CCDC171: variants seen among roughly 807,000 people sequenced by gnomAD.
CCDC171 encodes the protein coiled-coil domain-containing protein 171.
Under a neutral mutation model 168.2 loss-of-function variants are expected in CCDC171, and 177 were observed. The ratio of observed to expected loss-of-function variants is 1.05; its 90% confidence interval spans 0.93 to 1.19. The LOEUF is 1.19. Ranked by LOEUF, CCDC171 falls within the 50% of genes most tolerant of loss-of-function variation. CCDC171 has a pLI of 0.00. For missense variants in CCDC171, 1,991 were observed against 1,539.0 expected, an observed-to-expected ratio of 1.29 and a Z score of -4.91; for synonymous variants, 687 against 540.8, an observed-to-expected ratio of 1.27 and a Z score of -3.75.
intron 7 of CCDC171, among the ~76,000 whole-genome samples, chr9:15,633,198 T>G (rs2045892517): frequency 6.6e-6 from 1 of 152,288 alleles, no homozygotes; most frequent in South Asian, 2.1e-4. Context: ...AAAGAGCTCC[T>G]ACACAGCAAA....
At chr9:15,907,470 G>A (rs10962211) in intron 24 of CCDC171, among the ~76,000 whole-genome samples, 25,708 of 152,018 alleles carry the variant, frequency 0.17, 2,274 homozygotes, top group Non-Finnish European at 0.2. Flanking sequence ...GAAAGCTGAA[G>A]CTGGATCCCT....
intron 1 of CCDC171, among the ~76,000 whole-genome samples, chr9:16,058,868 G>A (rs962137150): frequency 2.0e-5 from 3 of 152,194 alleles, no homozygotes; most frequent in South Asian, 2.1e-4. Context: ...CAATCCCAGC[G>A]TAAGCTCAAG....
At chr9:15,659,801 G>C (rs2133013154) in intron 8 of CCDC171, among the ~76,000 whole-genome samples, 1 of 152,144 alleles carries the variant, frequency 6.6e-6, no homozygotes, top group Non-Finnish European at 1.5e-5. Context: ...ATTAAAACTA[G>C]TTTAGACTAA....
intron 7 of CCDC171, among the ~76,000 whole-genome samples, chr9:15,653,007 CCTTAT>C (rs1266449617): frequency 6.6e-6 from 1 of 152,074 alleles, no homozygotes; most frequent in Non-Finnish European, 1.5e-5. Flanking sequence ...ATTTTCTTTG[CCTTAT>C]CTTATCACGT....
chr9:15,787,483 C>T (rs2058027752), intron 21 of CCDC171, among the ~76,000 whole-genome samples: 1 of 151,984 alleles, frequency 6.6e-6, no homozygotes, highest in South Asian at 2.1e-4. Flanking sequence ...CCTACTCCTC[C>T]ACCTCCTCTT....
chr9:16,058,014 G>C (rs193092340), intron 1 of CCDC171, among the ~76,000 whole-genome samples: 50 of 151,204 alleles, frequency 3.3e-4, no homozygotes, highest in African/African-American at 1.1e-3. Flanking sequence ...AGGTCTAGGG[G>C]AGAGTTGAAG....
intron 24 of CCDC171, among the ~76,000 whole-genome samples, chr9:15,901,225 T>A (rs1394102675): frequency 6.6e-6 from 1 of 152,108 alleles, no homozygotes; most frequent in Non-Finnish European, 1.5e-5. Context: ...AACACAGGAT[T>A]TTTAGAGCAG....
chr9:15,812,225 C>T (rs563069862), intron 21 of CCDC171, among the ~76,000 whole-genome samples: 1 of 152,204 alleles, frequency 6.6e-6, no homozygotes, highest in Non-Finnish European at 1.5e-5. Flanking sequence ...GCATAGCTTT[C>T]TTATTCAAAC....
chr9:15,727,346 A>C (rs1214668390), intron 14 of CCDC171, among the ~76,000 whole-genome samples: 1 of 152,214 alleles, frequency 6.6e-6, no homozygotes, highest in Non-Finnish European at 1.5e-5. Context: ...TGGAGGAAGA[A>C]GAAAGCTGAG....
chr9:16,071,238 C>G, the CCDC171 span, among the ~76,000 whole-genome samples: 1 of 152,156 alleles, frequency 6.6e-6, no homozygotes, highest in African/African-American at 2.4e-5. Context: ...AGTCATGCTG[C>G]TAACCAAGAC....
chr9:15,751,340 G>T (rs555990976), intron 18 of CCDC171, among the ~76,000 whole-genome samples: 27 of 152,254 alleles, frequency 1.8e-4, no homozygotes, highest in Admixed American at 1.6e-3. Context: ...CGTGAAAATG[G>T]CCATACTGCC....
chr9:15,951,417 C>T (rs1393440216), intron 25 of CCDC171, among the ~76,000 whole-genome samples: 1 of 152,142 alleles, frequency 6.6e-6, no homozygotes, highest in Non-Finnish European at 1.5e-5. Context: ...ATGTTTTCTA[C>T]ACTGTTGTAC....
In CCDC171 at chr9:15,671,877, A is replaced by T. The variant is rs190200485; in HGVS notation, c.1076+5554A>T. On this transcript the variant is annotated intron_variant, in intron 9 of 25. Coordinates refer to ENST00000380701, the MANE Select transcript of CCDC171 (RefSeq NM_173550.4). Reference sequence around the variant, plus strand: ...CTTTGGGTATATACCCAGTAATGGGATCGCTGCGTCAAGTGGTATTTCTAG... The same window carrying T: ...CTTTGGGTATATACCCAGTAATGGGTTCGCTGCGTCAAGTGGTATTTCTAG... Among the ~76,000 whole-genome samples, 386 of 152,310 alleles carry T rather than the reference A, an allele frequency of 2.5e-3. 2 individuals carry two copies. Among genetic ancestry groups the T allele is most frequent in the Non-Finnish European group, 4.1e-3 (277 of 68,032 alleles).
chr9:15,565,246 G>A (rs966105682), intron 2 of CCDC171, among the ~76,000 whole-genome samples: 1 of 151,958 alleles, frequency 6.6e-6, no homozygotes, highest in Admixed American at 6.6e-5. Flanking sequence ...CTGCTGCCAC[G>A]CCTGGCTAAT....
At chr9:15,763,793 A>G (rs2056579214) in intron 18 of CCDC171, among the ~76,000 whole-genome samples, 1 of 152,172 alleles carries the variant, frequency 6.6e-6, no homozygotes, top group Admixed American at 6.5e-5. Flanking sequence ...GATTATACCA[A>G]AGTTTGTTCA....
chr9:15,910,214 A>T (rs1823418510), intron 24 of CCDC171, among the ~76,000 whole-genome samples: 1 of 151,724 alleles, frequency 6.6e-6, no homozygotes, highest in Admixed American at 6.6e-5. Flanking sequence ...TATTTTCTTT[A>T]TCCAATCATC....
At chr9:16,062,595 A>G (rs1018681695), downstream of CCDC171, among the ~76,000 whole-genome samples, 10 of 152,186 alleles carry the variant, frequency 6.6e-5, no homozygotes, top group African/African-American at 2.4e-4. Context: ...GGAGATGACA[A>G]ATTCATTCAT....
chr9:15,664,860 G>C (rs1268215724), intron 8 of CCDC171, among the ~76,000 whole-genome samples: 1 of 151,594 alleles, frequency 6.6e-6, no homozygotes, highest in Non-Finnish European at 1.5e-5. Context: ...CACCACGCCT[G>C]GCTCATTTTG....
chr9:15,891,485 G>A (rs1820213947), intron 24 of CCDC171, among the ~76,000 whole-genome samples: 4 of 152,166 alleles, frequency 2.6e-5, no homozygotes, highest in Admixed American at 2.6e-4. Context: ...ATCTTTGTAG[G>A]TCGATTATGG....
Sources: gnomAD v4.1 joint callset for allele counts (sites outside exome capture counted in the v4.1 genomes callset) on GRCh38, gnomAD v4.1.1 for gene constraint, MANE v1.5 for transcripts, NCBI Gene and HGNC (gene_info 2026-07-23, HGNC 2026-07-21) for gene names.